CPEB2: variants seen among roughly 807,000 people sequenced by gnomAD.
CPEB2 encodes cytoplasmic polyadenylation element binding protein 2.
A neutral mutation model predicts 93.6 loss-of-function variants in CPEB2; 56 were observed. That is an observed-to-expected ratio of 0.60 (90% CI 0.48 to 0.75). CPEB2 has a LOEUF of 0.75. Among genes scored for constraint, CPEB2 ranks in the 30% least tolerant of loss-of-function variants. The pLI is 0.00. For synonymous variants in CPEB2, 764 were observed against 586.3 expected, an observed-to-expected ratio of 1.30 and a Z score of -4.38; for missense variants, 1,579 against 1,395.1, an observed-to-expected ratio of 1.13 and a Z score of -2.10.
chr4:15,004,023 C>T lies in CPEB2; in HGVS notation c.1350C>T (p.Tyr450=), dbSNP rs775940001. 28 of 1,561,626 alleles carry T rather than the reference C, an allele frequency of 1.8e-5. 1 individual carries two copies. The highest frequency in any genetic ancestry group is 2.4e-5 in the Non-Finnish European group (28 of 1,156,812). ...PPSPDSENGF[Y]PGLPSSMNPA... is the part of the protein sequence containing the mutation. ...GCCCCGACTCAGAGAACGGCTTCTA[C>T]CCCGGGCTGCCGTCGTCCATGAACC... The change falls in exon 1 of 12, where the codon TAC becomes TAT. Residue 450 remains tyrosine (Y), a synonymous_variant. Transcript: ENST00000538197.
At chr4:15,026,235 TTTG>T (rs1725453828) in intron 4 of CPEB2, among the ~76,000 whole-genome samples, 1 of 151,694 alleles carries the variant, frequency 6.6e-6, no homozygotes. Context: ...TGTTTTTGTT[TTTG>T]TTTTTTGAGA....
chr4:15,020,627 G>A (rs934175542), intron 4 of CPEB2, among the ~76,000 whole-genome samples: 4 of 152,122 alleles, frequency 2.6e-5, no homozygotes, highest in Non-Finnish European at 4.4e-5. Context: ...TAGCAGGTAG[G>A]AAGGGTCTAG....
chr4:15,004,130 G>T lies in CPEB2; in HGVS notation c.1457G>T (p.Gly486Val), dbSNP rs1483058247. The T allele has an allele frequency of 2.0e-6, 3 of 1,516,776 alleles. No homozygotes were observed. The highest frequency in any genetic ancestry group is 4.2e-5 in the Admixed American group (2 of 47,688). The allele number at this position is 1,516,776 out of a possible 1,614,324, so 94.0% of individuals were successfully genotyped here. A position where few individuals can be genotyped will look rare whatever the true frequency, so the allele number is the denominator to read the frequency against. Residue 486 changes from glycine to valine, a missense_variant, in exon 1 of 12, where the codon GGC (glycine) becomes GTC (valine). Transcript: ENST00000538197. Reference sequence around the variant, plus strand: ...GTTCCGACGAGCGGCGGCGGCGGCGGCGGCTTCGGCGGCCCCTTCTCGGCT... The same window carrying T: ...GTTCCGACGAGCGGCGGCGGCGGCGTCGGCTTCGGCGGCCCCTTCTCGGCT... The part of the protein sequence containing the change: ...LSVPTSGGGG[G>V]GFGGPFSATA...
chr4:15,045,214 A>G (rs1294402363), intron 6 of CPEB2, among the ~76,000 whole-genome samples: 1 of 152,236 alleles, frequency 6.6e-6, no homozygotes, highest in South Asian at 2.1e-4. Context: ...AAGAACCTTT[A>G]ATTAGAATCT....
chr4:15,024,110 G>T (rs1404816514), intron 4 of CPEB2, among the ~76,000 whole-genome samples: 2 of 151,884 alleles, frequency 1.3e-5, no homozygotes, highest in Admixed American at 6.6e-5. Context: ...AGACTGTAAA[G>T]CTTCTTTCAA....
chr4:15,066,108 T>C, intron 11 of CPEB2, 45 bp from the exon 12 acceptor site: 1 of 1,507,494 alleles, frequency 6.6e-7, no homozygotes, highest in African/African-American at 1.4e-5. Context: ...AGAATTTGAT[T>C]TCTGAAGCAG....
intron 4 of CPEB2, among the ~76,000 whole-genome samples, chr4:15,031,383 T>C (rs1726078901): frequency 6.6e-6 from 1 of 152,126 alleles, no homozygotes; most frequent in Admixed American, 6.6e-5. Flanking sequence ...TAGGCATATT[T>C]CCAAAATAAG....
At chr4:15,048,874 G>T (rs979518256) in intron 6 of CPEB2, among the ~76,000 whole-genome samples, 1 of 151,908 alleles carries the variant, frequency 6.6e-6, no homozygotes, top group Admixed American at 6.5e-5. Flanking sequence ...TTATTTAATG[G>T]TTCTCCTTTT....
intron 8 of CPEB2, among the ~76,000 whole-genome samples, chr4:15,056,228 G>A (rs984257916): frequency 1.3e-4 from 20 of 152,128 alleles, no homozygotes; most frequent in African/African-American, 4.6e-4. Flanking sequence ...GCTTCACTGA[G>A]AGGTTTGGAA....
At chr4:15,049,562 ATTATT>A (rs965400420) in intron 6 of CPEB2, among the ~76,000 whole-genome samples, 1 of 152,200 alleles carries the variant, frequency 6.6e-6, no homozygotes, top group African/African-American at 2.4e-5. Flanking sequence ...CACAATTAAT[ATTATT>A]TTTAGTGGAC....
Position 15,068,549 on chromosome 4 carries a change from A to T in CPEB2, c.*2169A>T, listed in dbSNP as rs1729871701. ...GATGACATCTCCTTTGCTATACCTC[A>T]ATTTTTGGAATTTAGAGAAGAAATC... is the stretch of plus-strand genomic sequence containing the variant. On this transcript the variant is annotated 3_prime_UTR_variant, in exon 12 of 12. Transcript: ENST00000538197. The T allele has an allele frequency of 1.3e-5, 2 of 152,118 alleles. No individual in the cohort carries two copies. Among genetic ancestry groups the T allele is most frequent in the Admixed American group, 6.6e-5 (1 of 15,190 alleles). 9.4% of individuals were successfully genotyped at this position (152,118 alleles called of 1,614,324 possible).
At chr4:15,058,779 T>G (rs1487656837) in intron 9 of CPEB2, among the ~76,000 whole-genome samples, 1 of 152,156 alleles carries the variant, frequency 6.6e-6, no homozygotes, top group Non-Finnish European at 1.5e-5. Context: ...AAGCCAGCAT[T>G]ACTGCCTGAG....
At chr4:15,009,532 G>A (rs1011730881) in intron 3 of CPEB2, among the ~76,000 whole-genome samples, 7 of 152,086 alleles carry the variant, frequency 4.6e-5, no homozygotes. Flanking sequence ...TATTAGTGAC[G>A]TTTTTATGGT....
At chr4:15,054,688 C>A (rs1174814473) in intron 8 of CPEB2, among the ~76,000 whole-genome samples, 1 of 151,842 alleles carries the variant, frequency 6.6e-6, no homozygotes, top group Non-Finnish European at 1.5e-5. Flanking sequence ...AGGAAGACAC[C>A]GTGGCTGATC....
intron 4 of CPEB2, among the ~76,000 whole-genome samples, chr4:15,021,684 C>A (rs1432317673): frequency 6.6e-6 from 1 of 152,024 alleles, no homozygotes; most frequent in Non-Finnish European, 1.5e-5. Context: ...ATGCCTTTAC[C>A]AGTGTTTCAT....
At chr4:15,052,907 T>C (rs1484940207) in intron 7 of CPEB2, among the ~76,000 whole-genome samples, 3 of 152,040 alleles carry the variant, frequency 2.0e-5, no homozygotes, top group Non-Finnish European at 4.4e-5. Context: ...TAAAGCTTTT[T>C]GTATCACCAT....
intron 5 of CPEB2, among the ~76,000 whole-genome samples, chr4:15,038,458 T>C (rs1455059697): frequency 1.3e-5 from 2 of 152,260 alleles, no homozygotes; most frequent in Admixed American, 6.5e-5. Flanking sequence ...AGCAAATTTA[T>C]ACTGGATTAA....
At chr4:15,033,954 CTTG>C (rs1202274203) in intron 5 of CPEB2, among the ~76,000 whole-genome samples, 1 of 152,036 alleles carries the variant, frequency 6.6e-6, no homozygotes, top group East Asian at 1.9e-4. Context: ...TGGCTTGGCT[CTTG>C]TATTTCAACT....
chr4:15,056,509 C>A (rs145456086), intron 8 of CPEB2, among the ~76,000 whole-genome samples: 8 of 152,142 alleles, frequency 5.3e-5, no homozygotes, highest in Non-Finnish European at 7.4e-5. Context: ...TTTCTCTAAT[C>A]GAAAAAATAA....
Sources: gnomAD v4.1 joint callset for allele counts (sites outside exome capture counted in the v4.1 genomes callset) on GRCh38, gnomAD v4.1.1 for gene constraint, MANE v1.5 for transcripts, NCBI Gene and HGNC (gene_info 2026-07-23, HGNC 2026-07-21) for gene names.